Variants in RABGAP1L observed in about 807,000 individuals in gnomAD.
RABGAP1L encodes the protein RAB GTPase activating protein 1 like.
In RABGAP1L, 63 loss-of-function variants were observed where a neutral mutation model predicts 137.7. The ratio of observed to expected loss-of-function variants is 0.46; its 90% CI spans 0.37 to 0.56. The LOEUF (loss-of-function observed/expected upper bound fraction) is 0.56, where lower values mean the gene tolerates loss of function less well. Among genes scored for constraint, RABGAP1L ranks in the 20% least tolerant of loss-of-function variants. The pLI is 0.00. For synonymous variants in RABGAP1L, 431 were observed against 433.7 expected (o/e 0.99, Z 0.08); for missense variants, 1,095 against 1,244.0 (o/e 0.88, Z 1.80).
At chr1:174,225,954 A>T (rs900322946) in intron 3 of RABGAP1L, among the ~76,000 whole-genome samples, 3 of 152,008 alleles carry the variant, frequency 2.0e-5, no homozygotes, top group African/African-American at 7.3e-5. Context: ...CAGATTGTAG[A>T]TGCTTACAGT....
At chr1:174,306,691 A>G (rs1283573596) in intron 11 of RABGAP1L, among the ~76,000 whole-genome samples, 2 of 151,750 alleles carry the variant, frequency 1.3e-5, no homozygotes, top group Non-Finnish European at 2.9e-5. Flanking sequence ...TGTACCCCTT[A>G]CCACTGCTTT....
At chr1:174,612,326 A>G (rs1051231164) in intron 13 of RABGAP1L, among the ~76,000 whole-genome samples, 1 of 152,066 alleles carries the variant, frequency 6.6e-6, no homozygotes, top group African/African-American at 2.4e-5. Flanking sequence ...TGTGATTTTT[A>G]TCTTTGGTTC....
chr1:174,443,097 T>C (rs1412216222), intron 13 of RABGAP1L, among the ~76,000 whole-genome samples: 1 of 152,006 alleles, frequency 6.6e-6, no homozygotes, highest in Non-Finnish European at 1.5e-5. Context: ...TACATATTGC[T>C]TTTTTTCCCC....
chr1:174,385,632 A>C (rs1686698769), intron 12 of RABGAP1L, among the ~76,000 whole-genome samples: 2 of 152,188 alleles, frequency 1.3e-5, no homozygotes, highest in Non-Finnish European at 2.9e-5. Context: ...AGTTGGACGT[A>C]TGAGGAGGAT....
intron 12 of RABGAP1L, among the ~76,000 whole-genome samples, chr1:174,390,115 A>G (rs1431553044): frequency 1.3e-5 from 2 of 152,172 alleles, no homozygotes; most frequent in South Asian, 2.1e-4. Context: ...CTTAATATTT[A>G]TTAGTACTTC....
intron 13 of RABGAP1L, among the ~76,000 whole-genome samples, chr1:174,417,092 A>G (rs949116610): frequency 3.3e-5 from 5 of 152,012 alleles, no homozygotes; most frequent in South Asian, 2.1e-4. Context: ...AATGGCAAAA[A>G]CCGCAATTAC....
intron 13 of RABGAP1L, among the ~76,000 whole-genome samples, chr1:174,543,249 C>A (rs1275720945): frequency 1.3e-5 from 2 of 152,112 alleles, no homozygotes; most frequent in Non-Finnish European, 1.5e-5. Flanking sequence ...GTAGGTCACT[C>A]AGGACTTGCT....
chr1:174,309,213 C>A (rs1342298426), intron 11 of RABGAP1L, among the ~76,000 whole-genome samples: 1 of 151,910 alleles, frequency 6.6e-6, no homozygotes, highest in Non-Finnish European at 1.5e-5. Flanking sequence ...ATTTTTGTAT[C>A]CTGCAACTTT....
At chr1:174,790,520 G>A (rs115071894) in intron 18 of RABGAP1L, among the ~76,000 whole-genome samples, 3,217 of 151,864 alleles carry the variant, frequency 0.021, 53 homozygotes, top group Middle Eastern at 0.086. Context: ...AGTAATCCTA[G>A]CTACTCAGTA....
intron 19 of RABGAP1L, among the ~76,000 whole-genome samples, chr1:174,840,828 A>T (rs201885970): frequency 0.069 from 1,801 of 25,988 alleles, 31 homozygotes; most frequent in East Asian, 0.17. Context: ...AAAAAAAAAT[A>T]AAAAAAAAAA....
chr1:174,716,990 A>G (rs570492534), intron 17 of RABGAP1L, among the ~76,000 whole-genome samples: 2 of 152,314 alleles, frequency 1.3e-5, no homozygotes, highest in African/African-American at 4.8e-5. Context: ...GGTTATGCTC[A>G]TTGGCAGGCA....
At chr1:174,675,110 AT>A (rs1240952755) in intron 14 of RABGAP1L, among the ~76,000 whole-genome samples, 1 of 151,914 alleles carries the variant, frequency 6.6e-6, no homozygotes, top group Non-Finnish European at 1.5e-5. Context: ...CCATTTGTCA[AT>A]TTTGGCTTTT....
chr1:174,817,880 A>G (rs1002815682), intron 19 of RABGAP1L, among the ~76,000 whole-genome samples: 24 of 152,342 alleles, frequency 1.6e-4, no homozygotes, highest in Middle Eastern at 3.4e-3. Context: ...TAGTGATTAC[A>G]TGTGAGCCTC....
intron 13 of RABGAP1L, among the ~76,000 whole-genome samples, chr1:174,550,857 A>AATATATATATATATATATAT (rs1216100934): frequency 6.5e-5 from 4 of 61,830 alleles, no homozygotes; most frequent in African/African-American, 9.1e-5. Context: ...GTCTCTGCTA[A>AATATATATATATATATATAT]ATATATATAT....
chr1:174,616,167 C>A (rs757931064), intron 13 of RABGAP1L, among the ~76,000 whole-genome samples: 2 of 152,226 alleles, frequency 1.3e-5, no homozygotes, highest in Admixed American at 6.5e-5. Context: ...CTGTCTTCTG[C>A]GTCGCTCATG....
intron 1 of RABGAP1L, among the ~76,000 whole-genome samples, chr1:174,218,202 A>G (rs963026100): frequency 2.0e-5 from 3 of 152,170 alleles, no homozygotes; most frequent in Non-Finnish European, 4.4e-5. Context: ...TATACTTCCC[A>G]TAGCTACTGT....
rs57707616 is a variant in RABGAP1L, at chr1:174,527,901, CT to C, written c.1711-109456del. ...AATTACTTTATCATTATATACTTGTCTTTTTTTTTTTTTTTTTTACCTTATT... is the reference window on the plus strand; with the variant it reads ...AATTACTTTATCATTATATACTTGTCTTTTTTTTTTTTTTTTTACCTTATT... On this transcript the variant is annotated intron_variant, in intron 13 of 25. Transcript: ENST00000681986. Among the ~76,000 whole-genome samples the C allele has an allele frequency of 3.1e-3, 388 of 124,816 alleles. 3 individuals carry two copies. The highest frequency in any genetic ancestry group is 6.5e-3 in the Admixed American group (81 of 12,526). The allele number at this position is 124,816 out of a possible 152,430, so 81.9% of individuals were successfully genotyped here.
At chr1:174,534,336 G>A (rs1664701974) in intron 13 of RABGAP1L, among the ~76,000 whole-genome samples, 2 of 151,944 alleles carry the variant, frequency 1.3e-5, no homozygotes, top group Non-Finnish European at 2.9e-5. Context: ...TTATTCATGA[G>A]GATTACATTT....
Position 174,449,284 on chromosome 1 carries a change from T to C in RABGAP1L, c.1710+55139T>C, listed in dbSNP as rs1655161076. ...ATCTGGAAATTTGCCATCAGAGAAATATTTACTTGAATAGTTGACTGTAAA... is the reference window on the plus strand; with the variant it reads ...ATCTGGAAATTTGCCATCAGAGAAACATTTACTTGAATAGTTGACTGTAAA... On this transcript the variant is annotated intron_variant, in intron 13 of 25. Transcript: ENST00000681986. The C allele has an allele frequency of 5.1e-5, 58 of 1,144,234 alleles. No homozygotes were observed. The South Asian group carries it at 8.3e-4, about 16-fold the overall frequency. The allele number at this position is 1,144,234 out of a possible 1,614,324, so 70.9% of individuals were successfully genotyped here. A position where few individuals can be genotyped will look rare whatever the true frequency, so the allele number is the denominator to read the frequency against.
Sources: allele counts gnomAD v4.1 joint callset (sites outside exome capture counted in the v4.1 genomes callset), GRCh38; gene constraint gnomAD v4.1.1; transcripts MANE v1.5; gene names NCBI Gene and HGNC (gene_info 2026-07-23, HGNC 2026-07-21).